RIGI: variants seen among roughly 807,000 people sequenced by gnomAD.
The protein encoded by RIGI is RNA sensor RIG-I.
chr9:32,505,549 A>G, the RIGI span, among the ~76,000 whole-genome samples: 36 of 152,336 alleles, frequency 2.4e-4, no homozygotes, highest in Middle Eastern at 3.4e-3. Context: ...AGTTTTCTTC[A>G]TATCATTTCA....
the RIGI span, among the ~76,000 whole-genome samples, chr9:32,476,354 C>T: frequency 6.6e-6 from 1 of 151,950 alleles, no homozygotes; most frequent in Non-Finnish European, 1.5e-5. Context: ...AACAAATTAG[C>T]TGGGCATGGT....
chr9:32,459,097 C>T, the RIGI span, among the ~76,000 whole-genome samples: 13 of 147,826 alleles, frequency 8.8e-5, no homozygotes, highest in African/African-American at 1.7e-4. Context: ...CCATGTTGGC[C>T]GGGCTGGTCT....
At chr9:32,524,595 G>GTTT in the RIGI span, among the ~76,000 whole-genome samples, 1 of 82,348 alleles carries the variant, frequency 1.2e-5, no homozygotes, top group Non-Finnish European at 2.6e-5. Context: ...TTTGTTTTTC[G>GTTT]GTTTTTTTTT....
At chr9:32,488,757 GA>G in the RIGI span, 147 of 1,609,416 alleles carry the variant, frequency 9.1e-5, 1 homozygote, top group South Asian at 1.5e-3. Context: ...AGTATTTTGA[GA>G]ATACAGATTT....
chr9:32,482,665 C>T, the RIGI span, among the ~76,000 whole-genome samples: 1 of 152,002 alleles, frequency 6.6e-6, no homozygotes, highest in Non-Finnish European at 1.5e-5. Flanking sequence ...TTGAGATCAC[C>T]CTGGCCAACA....
chr9:32,515,380 T>G, the RIGI span, among the ~76,000 whole-genome samples: 1 of 151,998 alleles, frequency 6.6e-6, no homozygotes, highest in African/African-American at 2.4e-5. Flanking sequence ...TATTTCTTCA[T>G]CTGAGAAATA....
the RIGI span, among the ~76,000 whole-genome samples, chr9:32,471,784 T>C: frequency 6.6e-6 from 1 of 152,214 alleles, no homozygotes; most frequent in Non-Finnish European, 1.5e-5. Context: ...GGAGGACTCA[T>C]GTTGGAGTCA....
At chr9:32,520,288 T>C in the RIGI span, among the ~76,000 whole-genome samples, 1 of 152,176 alleles carries the variant, frequency 6.6e-6, no homozygotes, top group South Asian at 2.1e-4. Context: ...GATTGTATAA[T>C]GGGTTGAAGT....
the RIGI span, among the ~76,000 whole-genome samples, chr9:32,474,194 C>A: frequency 7.9e-6 from 1 of 127,220 alleles, no homozygotes; most frequent in Non-Finnish European, 1.6e-5. Flanking sequence ...GAGAGTGAGA[C>A]CCTGTCTCAA....
chr9:32,524,142 T>A, the RIGI span, among the ~76,000 whole-genome samples: 1 of 152,142 alleles, frequency 6.6e-6, no homozygotes, highest in East Asian at 1.9e-4. Flanking sequence ...CACTTTATTA[T>A]TTACTATTTT....
At chr9:32,478,039 C>A in the RIGI span, among the ~76,000 whole-genome samples, 2 of 151,558 alleles carry the variant, frequency 1.3e-5, no homozygotes, top group African/African-American at 4.9e-5. Context: ...TCTGTTTTAT[C>A]GGTTTTTGTT....
At chr9:32,494,006 T>C in the RIGI span, 4 of 1,248,288 alleles carry the variant, frequency 3.2e-6, no homozygotes, top group Admixed American at 2.8e-5. Context: ...TTGAGATTAG[T>C]ATCATAGAAA....
At chr9:32,499,316 G>GTTTTTTTTTTTTTTT in the RIGI span, among the ~76,000 whole-genome samples, 207 of 57,528 alleles carry the variant, frequency 3.6e-3, 1 homozygote, top group Middle Eastern at 0.022. Context: ...TTTGTGATTT[G>GTTTTTTTTTTTTTTT]TTTTTTTTTT....
At chr9:32,476,093 T>G in the RIGI span, among the ~76,000 whole-genome samples, 1 of 152,062 alleles carries the variant, frequency 6.6e-6, no homozygotes, top group South Asian at 2.1e-4. Flanking sequence ...TACTCATTAG[T>G]GAAATGAAAA....
At chr9:32,462,404 C>CTTTTTTTTTTTTTTTTTTTTTTTTTTA in the RIGI span, among the ~76,000 whole-genome samples, 1 of 85,926 alleles carries the variant, frequency 1.2e-5, no homozygotes. Flanking sequence ...TTAGATCTAG[C>CTTTTTTTTTTTTTTTTTTTTTTTTTTA]TTTTTTTTTT....
chr9:32,518,853 T>C, the RIGI span, among the ~76,000 whole-genome samples: 1 of 152,174 alleles, frequency 6.6e-6, no homozygotes, highest in Non-Finnish European at 1.5e-5. Flanking sequence ...GGGATTATAG[T>C]TGTGTGCCAT....
At chr9:32,490,351 AGAGC>A in the RIGI span, among the ~76,000 whole-genome samples, 3 of 152,230 alleles carry the variant, frequency 2.0e-5, no homozygotes, top group African/African-American at 7.2e-5. Flanking sequence ...CCTGAGCAAC[AGAGC>A]GAGAGACTCA....
the RIGI span, among the ~76,000 whole-genome samples, chr9:32,517,310 G>C: frequency 1.3e-5 from 2 of 152,196 alleles, no homozygotes; most frequent in South Asian, 2.1e-4. Flanking sequence ...TTGTAGATTC[G>C]TGAGTTTGTA....
chr9:32,472,955 A>G, the RIGI span: 7 of 1,571,220 alleles, frequency 4.5e-6, no homozygotes, highest in East Asian at 6.8e-5. Context: ...CACTAAATCT[A>G]ATTCACTATA....
Sources: allele counts gnomAD v4.1 joint callset (sites outside exome capture counted in the v4.1 genomes callset), GRCh38; gene constraint gnomAD v4.1.1; transcripts MANE v1.5; gene names NCBI Gene and HGNC (gene_info 2026-07-23, HGNC 2026-07-21).